Variants in SNX8 observed in about 807,000 individuals in gnomAD.
The protein encoded by SNX8 is sorting nexin-8.
In SNX8, 25 loss-of-function variants were observed where a neutral mutation model predicts 51.6. That is an observed-to-expected ratio of 0.48 (90% CI 0.35 to 0.68). The LOEUF (loss-of-function observed/expected upper bound fraction) is 0.68. SNX8 is among the 30% of genes least tolerant of loss of function. SNX8 has a pLI of 0.00. For synonymous variants in SNX8, 324 were observed against 277.0 expected (o/e 1.17, Z -1.68); for missense variants, 695 against 624.0 (o/e 1.11, Z -1.21).
intron 1 of SNX8, among the ~76,000 whole-genome samples, chr7:2,335,183 G>C (rs1778804144): frequency 6.7e-6 from 1 of 150,338 alleles, no homozygotes; most frequent in African/African-American, 2.4e-5. Flanking sequence ...GCAACAGAGT[G>C]AGACTCTGTC....
intron 1 of SNX8, among the ~76,000 whole-genome samples, chr7:2,298,905 C>A (rs1796331982): frequency 6.6e-6 from 1 of 152,126 alleles, no homozygotes; most frequent in Admixed American, 6.6e-5. Context: ...GATGGCCAGG[C>A]TGGTCTCGAA....
intron 1 of SNX8, among the ~76,000 whole-genome samples, chr7:2,294,292 G>C (rs1349163861): frequency 3.4e-5 from 5 of 147,176 alleles, no homozygotes; most frequent in Non-Finnish European, 6.0e-5. Flanking sequence ...AGAAAAAAAA[G>C]AAAAAAAAAA....
chr7:2,332,615 G>A (rs1257853616), intron 1 of SNX8, among the ~76,000 whole-genome samples: 3 of 151,896 alleles, frequency 2.0e-5, no homozygotes, highest in Admixed American at 6.6e-5. Flanking sequence ...TCAGCTGGGC[G>A]TGGTGGAGGA....
chr7:2,309,995 G>A (rs554525248), intron 1 of SNX8: 4 of 402,840 alleles, frequency 9.9e-6, no homozygotes, highest in East Asian at 7.2e-5. Context: ...CGGAGCTTCC[G>A]AACCGAATGG....
chr7:2,309,976 C>A, intron 1 of SNX8: 1 of 426,710 alleles, frequency 2.3e-6, no homozygotes, highest in Non-Finnish European at 4.8e-6. Flanking sequence ...TCAACGCGGA[C>A]AAACAGCACG....
rs562966292 is a variant in SNX8, at chr7:2,349,943, C to T, written c.-66+4279G>A. 2.0e-5 allele frequency among the ~76,000 whole-genome samples: 3 copies of T among 152,168 alleles called. No homozygotes were observed. The East Asian group carries it at 5.8e-4, about 29-fold the overall frequency. ...GGTCAGAGTCTCAGTCCTCTCCAGC[C>T]CAGCATGAGGCTCCCAGGCTACACC... On this transcript the variant is annotated intron_variant, in intron 1 of 5. Transcript: ENST00000435336.
chr7:2,324,761 C>A (rs1583113242), intron 1 of SNX8, among the ~76,000 whole-genome samples: 1 of 152,126 alleles, frequency 6.6e-6, no homozygotes, highest in Non-Finnish European at 1.5e-5. Context: ...CCCTTGTGGG[C>A]ATTTGCCCTG....
chr7:2,335,835 A>C (rs961449860), intron 1 of SNX8, among the ~76,000 whole-genome samples: 9 of 150,552 alleles, frequency 6.0e-5, no homozygotes, highest in Admixed American at 2.7e-4. Flanking sequence ...AAAATTCTAC[A>C]GTAGGCAAAA....
intron 10 of SNX8, 142 bp from the exon 11 acceptor site, chr7:2,255,311 A>G: frequency 1.7e-6 from 1 of 604,034 alleles, no homozygotes; most frequent in Non-Finnish European, 2.9e-6. Context: ...TGGCAGAACC[A>G]GTGCTGCCCA....
At chr7:2,258,028 G>C (rs1411310114) in intron 7 of SNX8, among the ~76,000 whole-genome samples, 1 of 53,930 alleles carries the variant, frequency 1.9e-5, no homozygotes, top group Non-Finnish European at 3.4e-5. Flanking sequence ...TTTTTTTTTT[G>C]AGTCGGAGTC....
intron 2 of SNX8, among the ~76,000 whole-genome samples, chr7:2,276,314 G>A (rs555087671): frequency 3.6e-4 from 55 of 152,350 alleles, no homozygotes; most frequent in African/African-American, 1.3e-3. Context: ...ATCCCCGACT[G>A]CGGCCCAGAG....
rs1795069161 is a variant in SNX8 at position 2,252,695 on chromosome 7, C to CCACCCCTTCCCTCTTGCTCTCCT, written c.*2360_*2361insAGGAGAGCAAGAGGGAAGGGGTG. On this transcript the variant is annotated 3_prime_UTR_variant, in exon 11 of 11. Transcript: ENST00000222990. ...GCCCCCCCACCTCCCTCCTGCCTTC[C>CCACCCCTTCCCTCTTGCTCTCCT]CACCCCTGCCCTCTTGCTCTCCTCA... The CCACCCCTTCCCTCTTGCTCTCCT allele has an allele frequency of 8.1e-6, 1 of 124,000 alleles. No homozygotes were observed. Among genetic ancestry groups the CCACCCCTTCCCTCTTGCTCTCCT allele is most frequent in the African/African-American group, 3.4e-5 (1 of 29,622 alleles). The allele number at this position is 124,000 out of a possible 1,614,324, so 7.7% of individuals were successfully genotyped here. A position where few individuals can be genotyped will look rare whatever the true frequency, so the allele number is the denominator to read the frequency against.
intron 1 of SNX8, among the ~76,000 whole-genome samples, chr7:2,313,207 C>G (rs908754184): frequency 1.3e-5 from 2 of 151,910 alleles, no homozygotes; most frequent in Non-Finnish European, 1.5e-5. Context: ...CCATGTTTAG[C>G]CTCATTAACC....
rs992828456 is a variant in SNX8, at chr7:2,314,238, G to C, written c.94+90C>G. ...GCGCGGGGGCAGGAAACGAGTCGGG[G>C]ACCAAGCGCGGCGGCTGAGCCCCGT... On this transcript the variant is annotated intron_variant, in intron 1 of 10. Coordinates refer to ENST00000222990, the MANE Select transcript of SNX8 (RefSeq NM_013321.4). 10 of 1,194,874 alleles carry C rather than the reference G, an allele frequency of 8.4e-6. No homozygotes were observed. In the African/African-American group the frequency reaches 1.4e-4, roughly 17 times the overall value. 74.0% of individuals were successfully genotyped at this position (1,194,874 alleles called of 1,614,324 possible). A position where few individuals can be genotyped will look rare whatever the true frequency, so the allele number is the denominator to read the frequency against.
chr7:2,352,059 C>T (rs1234776591), intron 1 of SNX8, among the ~76,000 whole-genome samples: 1 of 151,656 alleles, frequency 6.6e-6, no homozygotes, highest in Non-Finnish European at 1.5e-5. Context: ...AGGCATGTGC[C>T]ACCATGCCTG....
intron 1 of SNX8, among the ~76,000 whole-genome samples, chr7:2,312,616 C>G (rs570295468): frequency 6.6e-6 from 1 of 152,174 alleles, no homozygotes; most frequent in African/African-American, 2.4e-5. Flanking sequence ...CCACCAAATG[C>G]AACAATCCCT....
chr7:2,336,771 CCAAGGAGGGCAGAT>C (rs1778837796), intron 1 of SNX8, among the ~76,000 whole-genome samples: 1 of 151,502 alleles, frequency 6.6e-6, no homozygotes, highest in Admixed American at 6.6e-5. Context: ...GTTTGGGAGA[CCAAGGAGGGCAGAT>C]CATTTGAGGT....
chr7:2,353,554 A>G (rs755303002), intron 1 of SNX8, among the ~76,000 whole-genome samples: 2 of 151,916 alleles, frequency 1.3e-5, no homozygotes, highest in Non-Finnish European at 2.9e-5. Context: ...AGTACTGGGA[A>G]GAGAGGTGTG....
intron 1 of SNX8, among the ~76,000 whole-genome samples, chr7:2,300,668 G>A (rs1406096687): frequency 2.0e-5 from 3 of 148,356 alleles, no homozygotes; most frequent in Non-Finnish European, 4.5e-5. Context: ...TTGAGACAGA[G>A]TTTCATTCTT....
Sources: allele counts gnomAD v4.1 joint callset (sites outside exome capture counted in the v4.1 genomes callset), GRCh38; gene constraint gnomAD v4.1.1; transcripts MANE v1.5; gene names NCBI Gene and HGNC (gene_info 2026-07-23, HGNC 2026-07-21).